The following CPVL variants were observed in gnomAD, a reference collection of about 807,000 sequenced individuals.
The protein encoded by CPVL is probable serine carboxypeptidase CPVL.
CPVL carries 51 observed loss-of-function variants against 63.7 expected under a neutral mutation model. The observed-to-expected ratio is 0.80, with a 90% CI of 0.64 to 1.01. The LOEUF (loss-of-function observed/expected upper bound fraction) is 1.01. Ranked by LOEUF, CPVL falls within the 50% of genes least tolerant of loss-of-function variation. The probability of loss-of-function intolerance (pLI) is 0.00; values close to 1 mark genes in which losing one functional copy is unlikely to be tolerated. For missense variants in CPVL, 530 were observed against 573.1 expected (o/e 0.92, Z 0.77); for synonymous variants, 195 against 206.0 (o/e 0.95, Z 0.46).
chr7:29,046,849 C>A (rs1478010623), intron 11 of CPVL, among the ~76,000 whole-genome samples: 2 of 152,042 alleles, frequency 1.3e-5, no homozygotes, highest in Non-Finnish European at 2.9e-5. Context: ...CCTTTCATCA[C>A]CATGTTTAAT....
At chr7:29,092,491 A>G (rs1159188055) in intron 6 of CPVL, 132 bp downstream of exon 6, 3 of 636,224 alleles carry the variant, frequency 4.7e-6, no homozygotes, top group Non-Finnish European at 8.3e-6. Context: ...ATGTGAAAAT[A>G]TCCTTAAATT....
At chr7:29,040,067 C>G (rs572552024) in intron 11 of CPVL, among the ~76,000 whole-genome samples, 1 of 149,644 alleles carries the variant, frequency 6.7e-6, no homozygotes, top group Non-Finnish European at 1.5e-5. Flanking sequence ...TTCTCCTGTT[C>G]ACTAATCCAA....
rs768243104 is a variant in CPVL at position 29,043,291 on chromosome 7, A to G, written c.1138-12532T>C. Among the ~76,000 whole-genome samples the G allele has an allele frequency of 1.0e-3, 151 of 151,526 alleles. 2 individuals carry two copies. The highest frequency in any genetic ancestry group is 1.3e-3 in the Non-Finnish European group (85 of 67,910). ...GTGTTCTTTATGTTTTTATCTAGAC[A>G]GGAAAACCTGGTATCAGTCAGGTGC... On this transcript the variant is annotated intron_variant, in intron 11 of 12. Transcript: ENST00000265394.
intron 5 of CPVL, among the ~76,000 whole-genome samples, chr7:29,175,333 CCTGA>C (rs1299913575): frequency 6.6e-6 from 1 of 152,036 alleles, no homozygotes; most frequent in Non-Finnish European, 1.5e-5. Flanking sequence ...TGCCACCACG[CCTGA>C]CTAATTTTTT....
chr7:29,195,177 G>A, exon 1 of CPVL: 1 of 522,826 alleles, frequency 1.9e-6, no homozygotes, highest in South Asian at 3.1e-5. Context: ...CTCCGCGCCT[G>A]ACATCTGACA....
chr7:29,022,509 T>C (rs1423411195), intron 12 of CPVL, among the ~76,000 whole-genome samples: 1 of 152,132 alleles, frequency 6.6e-6, no homozygotes, highest in East Asian at 1.9e-4. Flanking sequence ...GGCCTAAGCA[T>C]AGGCCTGCCT....
At chr7:29,115,512 A>G (rs1016543655) in intron 2 of CPVL, among the ~76,000 whole-genome samples, 1 of 152,100 alleles carries the variant, frequency 6.6e-6, no homozygotes, top group Non-Finnish European at 1.5e-5. Flanking sequence ...CCCTTTCTTC[A>G]CTTCCACTCT....
At chr7:29,118,671 A>C (rs143882947) in intron 2 of CPVL, among the ~76,000 whole-genome samples, 130 of 152,344 alleles carry the variant, frequency 8.5e-4, no homozygotes, top group Non-Finnish European at 1.9e-4. Flanking sequence ...AAAACCAAAA[A>C]ACAATGACAT....
chr7:29,155,539 G>GCTA (rs779024487), intron 5 of CPVL, among the ~76,000 whole-genome samples: 2 of 152,136 alleles, frequency 1.3e-5, no homozygotes, highest in African/African-American at 2.4e-5. Flanking sequence ...AGATCAAAGA[G>GCTA]CTACTGAGTG....
At chr7:29,098,422 C>A (rs2128614121) in intron 3 of CPVL, among the ~76,000 whole-genome samples, 1 of 152,288 alleles carries the variant, frequency 6.6e-6, no homozygotes, top group South Asian at 2.1e-4. Flanking sequence ...TGGGGCACAC[C>A]CCTCCTATGA....
At chr7:29,145,429 A>AT (rs1267584310) in intron 1 of CPVL, among the ~76,000 whole-genome samples, 1 of 152,050 alleles carries the variant, frequency 6.6e-6, no homozygotes, top group Non-Finnish European at 1.5e-5. Context: ...ATTGCACAGA[A>AT]TTGTCCAGCT....
At chr7:29,042,439 C>CA (rs1309081134) in intron 11 of CPVL, among the ~76,000 whole-genome samples, 2 of 151,896 alleles carry the variant, frequency 1.3e-5, no homozygotes, top group African/African-American at 4.8e-5. Context: ...CCTCTCTCTA[C>CA]AAAAAAGTTA....
At chr7:29,037,552 C>CAAAAAAAA (rs35631871) in intron 11 of CPVL, among the ~76,000 whole-genome samples, 1 of 56,314 alleles carries the variant, frequency 1.8e-5, no homozygotes, top group African/African-American at 8.2e-5. Context: ...GACTCCATCT[C>CAAAAAAAA]AAAAAAAAAA....
upstream of CPVL, chr7:29,195,333 T>C (rs1164308329): frequency 1.3e-5 from 4 of 297,292 alleles, no homozygotes; most frequent in South Asian, 2.2e-4. Context: ...GCGGAGAAGG[T>C]TGGGGTGAAG....
At chr7:29,072,048 T>A in intron 8 of CPVL, 144 bp from the exon 9 acceptor site, 1 of 964,982 alleles carries the variant, frequency 1.0e-6, no homozygotes, top group Non-Finnish European at 1.6e-6. Flanking sequence ...CACACACACA[T>A]ATACACCCCA....
At chr7:29,117,766 T>G (rs1189118729) in intron 2 of CPVL, among the ~76,000 whole-genome samples, 1 of 152,212 alleles carries the variant, frequency 6.6e-6, no homozygotes, top group Admixed American at 6.5e-5. Flanking sequence ...GAGAACTACA[T>G]GAGCTAATGG....
chr7:29,137,674 G>A (rs1056400028), intron 1 of CPVL, among the ~76,000 whole-genome samples: 1 of 152,012 alleles, frequency 6.6e-6, no homozygotes, highest in Non-Finnish European at 1.5e-5. Flanking sequence ...AATGATTTGG[G>A]GTCTGCTTTT....
At chr7:29,065,056 TAA>T (rs5883185) in intron 10 of CPVL, among the ~76,000 whole-genome samples, 6 of 150,998 alleles carry the variant, frequency 4.0e-5, no homozygotes, top group South Asian at 4.2e-4. Flanking sequence ...TGAAGCTTAT[TAA>T]AAAAAAAACT....
At chr7:29,090,993 G>A (rs1785714273) in intron 6 of CPVL, among the ~76,000 whole-genome samples, 1 of 152,162 alleles carries the variant, frequency 6.6e-6, no homozygotes, top group Non-Finnish European at 1.5e-5. Context: ...CACCCATCTG[G>A]AGAGCTGGAG....
Sources: allele counts gnomAD v4.1 joint callset (sites outside exome capture counted in the v4.1 genomes callset), GRCh38; gene constraint gnomAD v4.1.1; transcripts MANE v1.5; gene names NCBI Gene and HGNC (gene_info 2026-07-23, HGNC 2026-07-21).